TRIM28: variants seen among roughly 807,000 people sequenced by gnomAD.
The protein encoded by TRIM28 is transcription intermediary factor 1-beta.
In TRIM28, 8 loss-of-function variants were observed where a neutral mutation model predicts 87.4. The ratio of observed to expected loss-of-function variants is 0.09; its 90% CI spans 0.05 to 0.17. TRIM28 has a LOEUF of 0.17. Among genes scored for constraint, TRIM28 ranks in the 10% least tolerant of loss-of-function variants. The pLI is 1.00. For missense variants in TRIM28, 968 were observed against 1,131.8 expected (o/e 0.86, Z 2.08); for synonymous variants, 601 against 454.3 (o/e 1.32, Z -4.11).
intron 2 of TRIM28, 64 bp downstream of exon 2, chr19:58,545,601 T>A (rs1713617611): frequency 1.3e-6 from 2 of 1,505,376 alleles, no homozygotes; most frequent in Non-Finnish European, 1.8e-6. Flanking sequence ...CAGGAGGAGC[T>A]TGGCACCAGC....
In TRIM28 at chr19:58,545,312, A is replaced by C. The variant is rs1318440575; in HGVS notation, c.341-113A>C. The C allele has an allele frequency of 3.1e-6, 3 of 962,356 alleles. No individual in the cohort carries two copies. The East Asian group carries it at 7.4e-5, about 24-fold the overall frequency. The allele number at this position is 962,356 out of a possible 1,614,324, so 59.6% of individuals were successfully genotyped here. ...GGAGAAAAGAAGGCTCGGGGAGGGG[A>C]GGGGCTGGTTCGCTGCGGGATAATG... On this transcript the variant is annotated intron_variant, in intron 1 of 16. Transcript: ENST00000253024.
Position 58,549,347 on chromosome 19 carries a change from C to A in TRIM28, c.1679C>A (p.Ala560Asp). 1 of 1,566,514 alleles carries A rather than the reference C, an allele frequency of 6.4e-7. No homozygotes were observed. The highest frequency in any genetic ancestry group is 1.2e-5 in the South Asian group (1 of 84,024). Reference sequence around the variant, plus strand: ...ACCTTGCAGGAGGAGGAGACGGAGGCTGCCATTGGAGCCCCTCCTACTGCC... The same window carrying A: ...ACCTTGCAGGAGGAGGAGACGGAGGATGCCATTGGAGCCCCTCCTACTGCC... ...MAIVKEEETE[A>D]AIGAPPTATE... Residue 560 changes from alanine (A) to aspartate (D), a missense_variant, in exon 13 of 17, where the codon GCT becomes GAT. Around this residue, in one of 11 missense-constraint regions of TRIM28, gnomAD observed 164 missense variants for 146.2 expected, o/e 1.12. Transcript: ENST00000253024. The surrounding 1 kb of genome is among the most constrained non-coding windows in gnomAD (Gnocchi z 4.4).
chr19:58,544,260 G>GGCCCCGCCCC lies in TRIM28; in HGVS notation c.-492_-483dup, dbSNP rs543868769. On this transcript the variant is annotated 5_prime_UTR_variant, in exon 1 of 17. It removes the in-frame stop codon of an upstream open reading frame in the 5' UTR. Transcript: ENST00000253024. ...TCAATTGCGGCAGTGACGTCACAGA[G>GGCCCCGCCCC]GCCCCGCCCCGCCCCCACAAGAGCC... 2 of 152,408 alleles carry GGCCCCGCCCC rather than the reference G, an allele frequency of 1.3e-5. No individual in the cohort carries two copies. Among genetic ancestry groups the GGCCCCGCCCC allele is most frequent in the African/African-American group, 4.8e-5 (2 of 41,396 alleles). The allele number at this position is 152,408 out of a possible 1,614,324, so 9.4% of individuals were successfully genotyped here. A position where few individuals can be genotyped will look rare whatever the true frequency, so the allele number is the denominator to read the frequency against.
rs981739414 is a variant in TRIM28, at chr19:58,544,158, C to T, written c.-600C>T. Reference sequence around the variant, plus strand: ...CCCATGCGCTTGGGCGCACAGCGGCCCGCTTCTGTGTGGTCTGGAGGTGGA... The same window carrying T: ...CCCATGCGCTTGGGCGCACAGCGGCTCGCTTCTGTGTGGTCTGGAGGTGGA... On this transcript the variant is annotated 5_prime_UTR_variant, in exon 1 of 17. Transcript: ENST00000253024. 4 of 152,536 alleles carry T rather than the reference C, an allele frequency of 2.6e-5. No homozygotes were observed. The highest frequency in any genetic ancestry group is 4.8e-5 in the African/African-American group (2 of 41,598). The allele number at this position is 152,536 out of a possible 1,614,324, so 9.4% of individuals were successfully genotyped here.
intron 2 of TRIM28, 104 bp from the exon 3 acceptor site, chr19:58,545,660 T>C: frequency 1.3e-6 from 2 of 1,541,032 alleles, no homozygotes; most frequent in Non-Finnish European, 1.8e-6. Context: ...GCTGCCTAGG[T>C]TGGGTCAAGG....
In TRIM28 at chr19:58,549,078, C is replaced by T; in HGVS notation, c.1500C>T (p.Asp500=). The change falls in exon 12 of 17, where the codon GAC becomes GAT. Residue 500 remains aspartate, a synonymous_variant. Coordinates refer to ENST00000253024, the MANE Select transcript of TRIM28 (RefSeq NM_005762.3). The surrounding 1 kb of genome is among the most constrained non-coding windows in gnomAD (Gnocchi z 4.4). The part of the protein sequence containing the change: ...LERLDLDLTA[D]SQPPVFKVFP... The stretch of plus-strand genomic sequence containing the variant: ...GCCTGGACCTGGACCTCACAGCTGA[C>T]AGCCAGCCACCCGTCTTCAAGGTCT... 1 of 1,614,118 alleles carries T rather than the reference C, an allele frequency of 6.2e-7. No individual in the cohort carries two copies. The highest frequency in any genetic ancestry group is 8.5e-7 in the Non-Finnish European group (1 of 1,180,010).
rs887534736 is a variant in TRIM28, at chr19:58,549,796, G to A, written c.2042G>A (p.Ser681Asn). 1 of 1,612,778 alleles carries A rather than the reference G, an allele frequency of 6.2e-7. No individual in the cohort carries two copies. Among genetic ancestry groups the A allele is most frequent in the Non-Finnish European group, 8.5e-7 (1 of 1,178,944 alleles). Residue 681 changes from serine to asparagine, a missense_variant, in exon 14 of 17, where the codon AGC becomes AAC. Around this residue, in one of 11 missense-constraint regions of TRIM28, gnomAD observed 192 missense variants for 225.6 expected, o/e 0.85. Transcript: ENST00000253024. This position sits in a 1 kb window ranked among gnomAD's most constrained non-coding sequence, Gnocchi z 4.4. ...CCTGACCTGAAGGAGGAGGATGGCA[G>A]CCTCAGCCTGGATGGTGCAGACAGC... ...VLPDLKEEDG[S>N]LSLDGADSTG...
In TRIM28 at chr19:58,545,901, A is replaced by G. The variant is rs2053757173; in HGVS notation, c.586+5A>G. The G allele has an allele frequency of 2.5e-6, 4 of 1,584,486 alleles. No individual in the cohort carries two copies. Among genetic ancestry groups the G allele is most frequent in the East Asian group, 2.3e-5 (1 of 44,092 alleles). On this transcript the variant is annotated splice_donor_5th_base_variant and intron_variant, in intron 3 of 16. Coordinates refer to ENST00000253024, the MANE Select transcript of TRIM28 (RefSeq NM_005762.3). Reference sequence around the variant, plus strand: ...ACCATACTGTGCGCTCTACTGGTACATGAGGCTGAGGGGGGCTGTTGGAGT... The same window carrying G: ...ACCATACTGTGCGCTCTACTGGTACGTGAGGCTGAGGGGGGCTGTTGGAGT...
chr19:58,547,370 C>T lies in TRIM28; in HGVS notation c.587-6C>T, dbSNP rs778439871. ...AAGGTCCAGCCTTATGATTCCCACTCCCCAGGGCCAGCCAAGTCTCGGGAT... is the reference window on the plus strand; with the variant it reads ...AAGGTCCAGCCTTATGATTCCCACTTCCCAGGGCCAGCCAAGTCTCGGGAT... On this transcript the variant is annotated splice_polypyrimidine_tract_variant and splice_region_variant and intron_variant, in intron 3 of 16. Transcript: ENST00000253024. 1.2e-6 allele frequency: 2 copies of T among 1,613,296 alleles called. No homozygotes were observed. Among genetic ancestry groups the T allele is most frequent in the Non-Finnish European group, 1.7e-6 (2 of 1,179,410 alleles).
At position 58,548,151 on chromosome 19, in the gene TRIM28, A is replaced by G; in HGVS notation, c.1072A>G (p.Asn358Asp). ...CTCTTGGGCTCTGGAGAGTGACAACAACACAGCCCTTTTGCTTTCTAAGAA... is the reference window on the plus strand; with the variant it reads ...CTCTTGGGCTCTGGAGAGTGACAACGACACAGCCCTTTTGCTTTCTAAGAA... The part of the protein sequence containing the change: ...FASWALESDN[N>D]TALLLSKKLI... Residue 358 changes from asparagine (N) to aspartate (D), a missense_variant, in exon 7 of 17, where the codon AAC becomes GAC. Transcript: ENST00000253024. 1 of 1,614,198 alleles carries G rather than the reference A, an allele frequency of 6.2e-7. No individual in the cohort carries two copies. Among genetic ancestry groups the G allele is most frequent in the Non-Finnish European group, 8.5e-7 (1 of 1,180,030 alleles).
chr19:58,544,723 CT>C lies in TRIM28; in HGVS notation c.-34del. On this transcript the variant is annotated 5_prime_UTR_variant, in exon 1 of 17. Transcript: ENST00000253024. ...CGCCTGCGCGGCGGGCCCCGCGCCC[CT>C]CCTCCCCCCCTGGGCGCCCCCGGCG... 1.0e-6 allele frequency: 1 copy of C among 994,512 alleles called. No individual in the cohort carries two copies. The allele number at this position is 994,512 out of a possible 1,614,324, so 61.6% of individuals were successfully genotyped here. A position where few individuals can be genotyped will look rare whatever the true frequency, so the allele number is the denominator to read the frequency against.
At position 58,548,736 on chromosome 19, in the gene TRIM28, A is replaced by C; in HGVS notation, c.1324-4A>C. 6.2e-7 allele frequency: 1 copy of C among 1,613,758 alleles called. No individual in the cohort carries two copies. Among genetic ancestry groups the C allele is most frequent in the Admixed American group, 1.7e-5 (1 of 60,000 alleles). On this transcript the variant is annotated splice_region_variant and splice_polypyrimidine_tract_variant and intron_variant, in intron 9 of 16. Transcript: ENST00000253024. ...TGAGGCAGAGGGTTCTGCTTTGTTC[A>C]CAGCCCATGGAGGTGCAGGAAGGCT...
At chr19:58,545,167 TGAG>T in intron 1 of TRIM28, 70 bp downstream of exon 1, 2 of 1,316,998 alleles carry the variant, frequency 1.5e-6, no homozygotes, top group Non-Finnish European at 2.0e-6. Context: ...GGTGCAGAGA[TGAG>T]GATGCCACCT....
chr19:58,547,281 A>C, intron 3 of TRIM28, 95 bp from the exon 4 acceptor site: 1 of 1,517,334 alleles, frequency 6.6e-7, no homozygotes, highest in Non-Finnish European at 9.0e-7. Context: ...GCCCAGTGTC[A>C]CAGAACAGGC....
rs889860860 is a variant in TRIM28 at position 58,545,545 on chromosome 19, C to T, written c.453+8C>T. 6 of 1,602,118 alleles carry T rather than the reference C, an allele frequency of 3.7e-6. No homozygotes were observed. Among genetic ancestry groups the T allele is most frequent in the South Asian group, 1.1e-5 (1 of 90,760 alleles). ...GCCCAGGATGCGAACCAGGTGCGTC[C>T]TATCTCAGCAACCACAAGGAGGTTT... On this transcript the variant is annotated splice_region_variant and intron_variant, in intron 2 of 16. Transcript: ENST00000253024.
At position 58,549,573 on chromosome 19, in the gene TRIM28, C is replaced by G. The variant is rs768329182; in HGVS notation, c.1905C>G (p.Gly635=). ...TTTGCCGTGTCTGCCAGAAGCCAGG[C>G]GATCTGGTTATGTGCAACCAGTGTG... ...ATICRVCQKP[G]DLVMCNQCEF... is the part of the protein sequence containing the mutation. The change falls in exon 13 of 17, where the codon GGC becomes GGG. Residue 635 remains glycine, a synonymous_variant. Transcript: ENST00000253024. The surrounding 1 kb of genome is among the most constrained non-coding windows in gnomAD (Gnocchi z 4.4). The G allele has an allele frequency of 6.2e-7, 1 of 1,614,110 alleles. No homozygotes were observed. The highest frequency in any genetic ancestry group is 8.5e-7 in the Non-Finnish European group (1 of 1,179,998).
chr19:58,545,847 G>A lies in TRIM28; in HGVS notation c.537G>A (p.Glu179=). ...CSEPLCETCV[E]AHQRVKYTKD... is the part of the protein sequence containing the mutation. ...AGCCTCTGTGTGAGACCTGTGTAGA[G>A]GCGCACCAGCGGGTGAAGTACACCA... Residue 179 remains glutamate, a synonymous_variant, in exon 3 of 17, where the codon GAG becomes GAA. Transcript: ENST00000253024. 6.2e-7 allele frequency: 1 copy of A among 1,611,088 alleles called. No homozygotes were observed. The highest frequency in any genetic ancestry group is 8.5e-7 in the Non-Finnish European group (1 of 1,178,392).
Position 58,547,669 on chromosome 19 carries a change from C to G in TRIM28, c.795C>G (p.Asp265Glu), listed in dbSNP as rs908684618. ...LLASLVKRLG[D>E]KHATLQKSTK... ...CCTCACTGGTGAAGCGCCTTGGGGACAAACATGCAACATTGCAGAAGAGCA... is the reference window on the plus strand; with the variant it reads ...CCTCACTGGTGAAGCGCCTTGGGGAGAAACATGCAACATTGCAGAAGAGCA... The change falls in exon 5 of 17, where the codon GAC (aspartate) becomes GAG (glutamate). Residue 265 changes from aspartate to glutamate, a missense_variant. Transcript: ENST00000253024. 2 of 1,614,144 alleles carry G rather than the reference C, an allele frequency of 1.2e-6. No individual in the cohort carries two copies. Among genetic ancestry groups the G allele is most frequent in the East Asian group, 2.2e-5 (1 of 44,880 alleles).
chr19:58,550,452 A>G lies in TRIM28; in HGVS notation c.2407A>G (p.Thr803Ala). 6.2e-7 allele frequency: 1 copy of G among 1,612,652 alleles called. No individual in the cohort carries two copies. Reference protein sequence around the residue: ...ETRMNEAFGDTKFSAVLVEPP... With the variant: ...ETRMNEAFGDAKFSAVLVEPP... ...GCGCATGAACGAGGCCTTCGGTGAC[A>G]CCAAGTTCTCTGCTGTGCTGGTGGA... The change falls in exon 17 of 17, where the codon ACC (threonine) becomes GCC (alanine). Residue 803 changes from threonine to alanine, a missense_variant. By Grantham distance (58) the Thr-to-Ala change is moderately conservative. This residue lies in a region of TRIM28 where 192 missense variants were observed against 225.6 expected (regional missense o/e 0.85). Transcript: ENST00000253024.
Sources: allele counts gnomAD v4.1 joint callset, GRCh38; gene constraint gnomAD v4.1.1; regional missense constraint gnomAD v4.1.1; non-coding constraint Gnocchi (gnomAD v3.1); transcripts MANE v1.5; gene names NCBI Gene and HGNC (gene_info 2026-07-23, HGNC 2026-07-21).